Variants in MEFV observed in about 807,000 individuals in gnomAD.
MEFV encodes MEFV innate immunity regulator, pyrin, also known as pyrin.
In MEFV, 60 loss-of-function variants were observed where a neutral mutation model predicts 62.5. The observed-to-expected ratio is 0.96, with a 90% CI of 0.78 to 1.19. MEFV has a LOEUF of 1.19. Ranked by LOEUF, MEFV falls within the 50% of genes most tolerant of loss-of-function variation. The pLI is 0.00. For missense variants in MEFV, 1,169 were observed against 1,004.5 expected (o/e 1.16, Z -2.21); for synonymous variants, 500 against 415.2 (o/e 1.20, Z -2.48).
Position 3,249,019 on chromosome 16 carries a change from C to G in MEFV, c.1261-15G>C, listed in dbSNP as rs779365378. ...TGAATTTTCTTCTGGAAAAACAGCACTTGTTGAAAAGCTTGAATTTGGCTC... is the reference window on the plus strand; with the variant it reads ...TGAATTTTCTTCTGGAAAAACAGCAGTTGTTGAAAAGCTTGAATTTGGCTC... On this transcript the variant is annotated splice_polypyrimidine_tract_variant and intron_variant, in intron 3 of 9. Coordinates refer to ENST00000219596, the MANE Select transcript of MEFV (RefSeq NM_000243.3). 5.6e-6 allele frequency: 9 copies of G among 1,613,516 alleles called. No homozygotes were observed. Among genetic ancestry groups the G allele is most frequent in the African/African-American group, 5.3e-5 (4 of 74,926 alleles).
At chr16:3,249,362 G>C (rs1958995431) in intron 3 of MEFV, 69 bp downstream of exon 3, 1 of 1,420,288 alleles carries the variant, frequency 7.0e-7, no homozygotes, top group South Asian at 1.2e-5. Context: ...GAGTTGTTGG[G>C]AAAATGAAGT....
intron 2 of MEFV, 104 bp from the exon 3 acceptor site, chr16:3,249,884 G>T: frequency 1.1e-6 from 1 of 951,984 alleles, no homozygotes; most frequent in Non-Finnish European, 1.7e-6. Flanking sequence ...AGATGTGCGA[G>T]TTCTCAGTTA....
chr16:3,249,895 G>T, intron 2 of MEFV, 115 bp from the exon 3 acceptor site: 1 of 860,988 alleles, frequency 1.2e-6, no homozygotes, highest in South Asian at 1.5e-5. Flanking sequence ...TTCTCAGTTA[G>T]ACTCTGCCCA....
intron 2 of MEFV, among the ~76,000 whole-genome samples, chr16:3,251,326 T>A (rs1218787410): frequency 1.3e-5 from 2 of 152,160 alleles, no homozygotes; most frequent in African/African-American, 4.8e-5. Context: ...ACAAGCAGCT[T>A]CTAGAAACTT....
chr16:3,246,917 T>G, intron 5 of MEFV, 99 bp downstream of exon 5: 1 of 1,182,126 alleles, frequency 8.5e-7, no homozygotes. Context: ...CTTAGGGGCT[T>G]CACCCACTTG....
At chr16:3,250,405 T>G (rs1959014213) in intron 2 of MEFV, among the ~76,000 whole-genome samples, 1 of 151,846 alleles carries the variant, frequency 6.6e-6, no homozygotes, top group African/African-American at 2.4e-5. Flanking sequence ...GCTCAGGAGT[T>G]TGAGACCAGC....
At chr16:3,244,111 G>C in intron 8 of MEFV, 143 bp downstream of exon 8, 1 of 1,554,546 alleles carries the variant, frequency 6.4e-7, no homozygotes, top group South Asian at 1.2e-5. Context: ...AGAGCCTGGG[G>C]GGCCTGCCAT....
Position 3,254,410 on chromosome 16 carries a change from C to G in MEFV, c.658G>C (p.Ala220Pro). The change falls in exon 2 of 10, where the codon GCC (alanine) becomes CCC (proline). Residue 220 changes from alanine (A) to proline (P), a missense_variant. Transcript: ENST00000219596. ...GGCCTGCACTCCTTCTGCCCCGGGG[C>G]GCCCCCCGCCAGCCCCTGCAGCCTC... The part of the protein sequence containing the change: ...AGRLQGLAGG[A>P]PGQKECRPFE... The G allele has an allele frequency of 4.3e-6, 7 of 1,612,710 alleles. No individual in the cohort carries two copies. Among genetic ancestry groups the G allele is most frequent in the Non-Finnish European group, 5.9e-6 (7 of 1,179,708 alleles).
intron 2 of MEFV, among the ~76,000 whole-genome samples, chr16:3,251,202 C>T (rs1274874273): frequency 6.6e-6 from 1 of 152,088 alleles, no homozygotes; most frequent in Non-Finnish European, 1.5e-5. Flanking sequence ...TCCACGTTTC[C>T]CTGTTTCCCT....
At chr16:3,250,861 T>C (rs977997254) in intron 2 of MEFV, among the ~76,000 whole-genome samples, 4 of 150,076 alleles carry the variant, frequency 2.7e-5, no homozygotes, top group African/African-American at 9.8e-5. Context: ...CTGTCTCTAC[T>C]AAAAATACAA....
chr16:3,244,524 G>C lies in MEFV; in HGVS notation c.1675C>G (p.Leu559Val). 1 of 1,614,194 alleles carries C rather than the reference G, an allele frequency of 6.2e-7. No homozygotes were observed. The change falls in exon 7 of 10, where the codon CTC (leucine) becomes GTC (valine). Residue 559 changes from leucine (L) to valine (V), a missense_variant. Leu to Val is a conservative substitution (Grantham distance 32). Transcript: ENST00000219596. ...TPQEIKQKIQ[L>V]LHQKSEFVEK... ...ACAAACTCTGACTTCTGGTGGAGGA[G>C]TTGGATCTTTTGTTTTATCTCTTGA...
In MEFV at chr16:3,254,435, C is replaced by G; in HGVS notation, c.633G>C (p.Gly211=). The change falls in exon 2 of 10, where the codon GGG becomes GGC. Residue 211 remains glycine, a synonymous_variant. Coordinates refer to ENST00000219596, the MANE Select transcript of MEFV (RefSeq NM_000243.3). ...VRLRRNASSA[G]RLQGLAGGAP... ...CGCCCCCCGCCAGCCCCTGCAGCCT[C>G]CCCGCGGAGCTGGCGTTTCTGCGCA... 2.5e-6 allele frequency: 4 copies of G among 1,611,116 alleles called. No homozygotes were observed. The highest frequency in any genetic ancestry group is 3.4e-6 in the Non-Finnish European group (4 of 1,178,718).
At chr16:3,253,717 CG>C (rs1184331465) in intron 2 of MEFV, among the ~76,000 whole-genome samples, 3 of 151,708 alleles carry the variant, frequency 2.0e-5, no homozygotes, top group Admixed American at 1.3e-4. Flanking sequence ...AGTCTGGCTA[CG>C]TTGCTCAGGC....
At chr16:3,252,068 T>TA (rs922910527) in intron 2 of MEFV, 33 of 312,272 alleles carry the variant, frequency 1.1e-4, no homozygotes, top group Middle Eastern at 1.2e-3. Flanking sequence ...AAAAAAAAAT[T>TA]AAAAAAAATA....
At chr16:3,253,513 T>C (rs1035059767) in intron 2 of MEFV, among the ~76,000 whole-genome samples, 1 of 152,116 alleles carries the variant, frequency 6.6e-6, no homozygotes, top group African/African-American at 2.4e-5. Context: ...TTCTTTTTTT[T>C]TCCCCCCAAA....
At chr16:3,243,982 A>G in intron 8 of MEFV, 90 bp from the exon 9 acceptor site, 1 of 1,582,374 alleles carries the variant, frequency 6.3e-7, no homozygotes, top group Non-Finnish European at 8.6e-7. Flanking sequence ...AGGAAAGACA[A>G]GGAACCCCCT....
chr16:3,248,751 G>A, intron 4 of MEFV, 158 bp downstream of exon 4: 2 of 985,398 alleles, frequency 2.0e-6, no homozygotes, highest in African/African-American at 1.7e-5. Flanking sequence ...CCTCTACAGG[G>A]ATGAGCTTAC....
At chr16:3,252,272 CTT>C (rs534371432) in intron 2 of MEFV, among the ~76,000 whole-genome samples, 32 of 130,660 alleles carry the variant, frequency 2.4e-4, no homozygotes, top group East Asian at 2.1e-4. Context: ...ACTCCCAATT[CTT>C]TTTTTTTTTT....
At chr16:3,248,787 C>G (rs1958983703) in intron 4 of MEFV, 122 bp downstream of exon 4, 11 of 1,592,534 alleles carry the variant, frequency 6.9e-6, no homozygotes, top group Non-Finnish European at 9.4e-6. Context: ...ACCCTCTGTC[C>G]CCTGAGAGGA....
Sources: gnomAD v4.1 joint callset for allele counts (sites outside exome capture counted in the v4.1 genomes callset) on GRCh38, gnomAD v4.1.1 for gene constraint, MANE v1.5 for transcripts, NCBI Gene and HGNC (gene_info 2026-07-23, HGNC 2026-07-21) for gene names.